The following DHX29 variants were observed in gnomAD, a reference collection of about 807,000 sequenced individuals.
The protein encoded by DHX29 is ATP-dependent RNA helicase DHX29.
Under a neutral mutation model 167.9 loss-of-function variants are expected in DHX29, and 79 were observed. The observed-to-expected ratio is 0.47, with a 90% CI of 0.39 to 0.57. DHX29 has a LOEUF of 0.57. Ranked by LOEUF, DHX29 falls within the 20% of genes least tolerant of loss-of-function variation. The pLI is 0.00. For missense variants in DHX29, 1,347 were observed against 1,593.4 expected, an observed-to-expected ratio of 0.85 and a Z score of 2.63; for synonymous variants, 530 against 546.0, an observed-to-expected ratio of 0.97 and a Z score of 0.41.
In DHX29 at chr5:55,267,678, GT is replaced by G; in HGVS notation, c.3431+7del. 1.3e-6 allele frequency: 2 copies of G among 1,593,478 alleles called. No individual in the cohort carries two copies. The highest frequency in any genetic ancestry group is 1.7e-6 in the Non-Finnish European group (2 of 1,169,990). ...GGCTTACTGATAACAGCCAGATTAT[GT>G]TTTTACCCTAGATATGCATTGTAGA... On this transcript the variant is annotated splice_region_variant and intron_variant, in intron 22 of 26. Transcript: ENST00000251636.
chr5:55,279,956 A>C (rs1747319643), intron 12 of DHX29, among the ~76,000 whole-genome samples: 1 of 152,164 alleles, frequency 6.6e-6, no homozygotes, highest in South Asian at 2.1e-4. Flanking sequence ...TACTTGGTAT[A>C]GATGGGCAGA....
chr5:55,299,548 C>T (rs1748498056), intron 1 of DHX29, among the ~76,000 whole-genome samples: 1 of 152,138 alleles, frequency 6.6e-6, no homozygotes, highest in African/African-American at 2.4e-5. Context: ...ATGGTGTGAG[C>T]AGGACCATGC....
chr5:55,279,644 CTATAGGTGAG>C (rs1202776167), intron 12 of DHX29: 3 of 152,628 alleles, frequency 2.0e-5, no homozygotes, highest in Admixed American at 1.3e-4. Context: ...GCAGATGGGA[CTATAGGTGAG>C]TAGATAGGAC....
intron 11 of DHX29, 50 bp from the exon 12 acceptor site, chr5:55,281,565 A>C (rs1747415600): frequency 7.2e-7 from 1 of 1,394,228 alleles, no homozygotes; most frequent in Admixed American, 2.5e-5. Context: ...GTAATATGGG[A>C]AACAAGCTTT....
chr5:55,290,421 A>T (rs1747984265), intron 6 of DHX29, 77 bp from the exon 7 acceptor site: 1 of 1,426,818 alleles, frequency 7.0e-7, no homozygotes, highest in Admixed American at 2.5e-5. Flanking sequence ...AATAAACTGT[A>T]TCAAAATCTG....
At chr5:55,300,213 A>C (rs967724529) in intron 1 of DHX29, among the ~76,000 whole-genome samples, 2 of 152,002 alleles carry the variant, frequency 1.3e-5, no homozygotes, top group African/African-American at 4.8e-5. Context: ...CTCTACAAAA[A>C]TTATCCAGCT....
intron 8 of DHX29, among the ~76,000 whole-genome samples, chr5:55,288,283 T>C (rs1333733959): frequency 6.6e-6 from 1 of 151,820 alleles, no homozygotes; most frequent in African/African-American, 2.4e-5. Flanking sequence ...TAATGCAAAT[T>C]ATAGTATTAT....
chr5:55,280,796 A>G (rs1747360439), intron 12 of DHX29, among the ~76,000 whole-genome samples: 2 of 152,178 alleles, frequency 1.3e-5, no homozygotes, highest in Admixed American at 6.5e-5. Flanking sequence ...AGAATCACAC[A>G]GACCCTAGAT....
In DHX29 at chr5:55,267,938, T is replaced by C. The variant is rs953558283; in HGVS notation, c.3295-116A>G. 7.4e-6 allele frequency: 4 copies of C among 538,536 alleles called. No homozygotes were observed. The East Asian group carries it at 1.4e-4, about 19-fold the overall frequency. The allele number at this position is 538,536 out of a possible 1,614,324, so 33.4% of individuals were successfully genotyped here. ...ATCACACTTTAAGTTGCCTGTTTAT[T>C]TTCAATATTTTATTATGTTTATTAG... On this transcript the variant is annotated intron_variant, in intron 21 of 26. Coordinates refer to ENST00000251636, the MANE Select transcript of DHX29 (RefSeq NM_019030.4).
rs193208227 is a variant in DHX29, at chr5:55,288,657, A to T, written c.1066+613T>A. 2.5e-3 allele frequency among the ~76,000 whole-genome samples: 381 copies of T among 152,214 alleles called. 4 individuals are homozygous for T. Among genetic ancestry groups the T allele is most frequent in the African/African-American group, 8.4e-3 (347 of 41,530 alleles). ...TCAATAATTAACTCAAAAATTTTTT[A>T]AAAAAATAATTAACTTGGGAGCACA... On this transcript the variant is annotated intron_variant, in intron 8 of 26. Coordinates refer to ENST00000251636, the MANE Select transcript of DHX29 (RefSeq NM_019030.4).
Position 55,276,346 on chromosome 5 carries a change from A to G in DHX29, c.2347T>C (p.Tyr783His). ...TCCTCTTCCAGAAATTTCTGACAAT[A>G]TTCTGAGTCTTTTTCCAGTACAAAG... ...TGFVLEKDSE[Y>H]CQKFLEEEEE... The change falls in exon 14 of 27, where the codon TAT (tyrosine) becomes CAT (histidine). Residue 783 changes from tyrosine (Y) to histidine (H), a missense_variant. Tyr to His is a moderately conservative substitution (Grantham distance 83, BLOSUM62 2). Transcript: ENST00000251636. The G allele has an allele frequency of 6.2e-7, 1 of 1,604,736 alleles. No individual in the cohort carries two copies. The highest frequency in any genetic ancestry group is 1.3e-5 in the African/African-American group (1 of 74,414).
At chr5:55,257,897 T>C (rs1746128794) in intron 26 of DHX29, among the ~76,000 whole-genome samples, 5 of 152,368 alleles carry the variant, frequency 3.3e-5, no homozygotes, top group Admixed American at 2.6e-4. Flanking sequence ...GCCAAAGTTA[T>C]AATGCACAAA....
At chr5:55,266,409 A>C (rs1373494837) in intron 23 of DHX29, among the ~76,000 whole-genome samples, 1 of 144,866 alleles carries the variant, frequency 6.9e-6, no homozygotes, top group Non-Finnish European at 1.5e-5. Context: ...TCCTCGGTTC[A>C]AGTGATTCTT....
chr5:55,274,584 A>T, intron 16 of DHX29, 30 bp downstream of exon 16: 1 of 1,476,394 alleles, frequency 6.8e-7, no homozygotes, highest in Non-Finnish European at 9.3e-7. Context: ...TTTTAAAACT[A>T]CCAGGAATAT....
intron 21 of DHX29, 58 bp downstream of exon 21, chr5:55,269,355 G>A (rs11958488): frequency 0.018 from 28,105 of 1,532,212 alleles, 321 homozygotes; most frequent in Non-Finnish European, 0.022. Context: ...TTCCAAACTT[G>A]TAATTTCCTG....
chr5:55,298,698 TTAATATC>T (rs1205540330), intron 1 of DHX29, 34 bp from the exon 2 acceptor site: 4 of 1,004,982 alleles, frequency 4.0e-6, no homozygotes, highest in Non-Finnish European at 4.7e-6. Context: ...AATTTAATGA[TTAATATC>T]TATTACATTA....
At position 55,298,668 on chromosome 5, in the gene DHX29, T is replaced by G. The variant is rs758722914; in HGVS notation, c.188-4A>C. 7.3e-7 allele frequency: 1 copy of G among 1,366,890 alleles called. No homozygotes were observed. Among genetic ancestry groups the G allele is most frequent in the African/African-American group, 1.4e-5 (1 of 69,680 alleles). The allele number at this position is 1,366,890 out of a possible 1,614,324, so 84.7% of individuals were successfully genotyped here. A position where few individuals can be genotyped will look rare whatever the true frequency, so the allele number is the denominator to read the frequency against. On this transcript the variant is annotated splice_region_variant and splice_polypyrimidine_tract_variant and intron_variant, in intron 1 of 26. Transcript: ENST00000251636. Reference sequence around the variant, plus strand: ...TTAAAACTATAAATTTTTGGACCTGTAAATACAAATAGACAAGGCAATTTA... The same window carrying G: ...TTAAAACTATAAATTTTTGGACCTGGAAATACAAATAGACAAGGCAATTTA...
chr5:55,306,688 T>C (rs1250407273), intron 1 of DHX29, among the ~76,000 whole-genome samples: 5 of 152,214 alleles, frequency 3.3e-5, no homozygotes, highest in Admixed American at 2.6e-4. Context: ...ATTTCTTGAA[T>C]ACTCCAATAA....
At chr5:55,276,788 AT>A (rs571276840) in intron 13 of DHX29, among the ~76,000 whole-genome samples, 1 of 151,266 alleles carries the variant, frequency 6.6e-6, no homozygotes, top group African/African-American at 2.4e-5. Context: ...CACTCTTTTT[AT>A]TTTTTTTTCC....
Sources: gnomAD v4.1 joint callset for allele counts (sites outside exome capture counted in the v4.1 genomes callset) on GRCh38, gnomAD v4.1.1 for gene constraint, MANE v1.5 for transcripts, NCBI Gene and HGNC (gene_info 2026-07-23, HGNC 2026-07-21) for gene names.